BRAF: variants seen among roughly 807,000 people sequenced by gnomAD.
The protein encoded by BRAF is B-Raf proto-oncogene, serine/threonine kinase.
In BRAF, 16 loss-of-function variants were observed where a neutral mutation model predicts 104.6. The observed-to-expected ratio is 0.15, with a 90% CI of 0.10 to 0.23. The LOEUF is 0.23. BRAF is among the 10% of genes least tolerant of loss of function. BRAF has a pLI of 1.00. For synonymous variants in BRAF, 310 were observed against 341.6 expected (o/e 0.91, Z 1.02); for missense variants, 541 against 937.3 (o/e 0.58, Z 5.52).
intron 1 of BRAF, among the ~76,000 whole-genome samples, chr7:140,904,088 C>G (rs1816004945): frequency 6.6e-6 from 1 of 152,232 alleles, no homozygotes; most frequent in Admixed American, 6.5e-5. Flanking sequence ...ACTGGCAGAT[C>G]TGAGAGGACT....
chr7:140,776,774 A>G lies in BRAF; in HGVS notation c.1814+138T>C, dbSNP rs71645985. On this transcript the variant is annotated intron_variant, in intron 14 of 19. Transcript: ENST00000644969. ...TTTATTTTTTAGTATCATATTATTTACCAGCCATTAGTTAGCATCCTTATG... is the reference window on the plus strand; with the variant it reads ...TTTATTTTTTAGTATCATATTATTTGCCAGCCATTAGTTAGCATCCTTATG... 24 of 798,352 alleles carry G rather than the reference A, an allele frequency of 3.0e-5. No homozygotes were observed. The African/African-American group carries it at 4.1e-4, about 14-fold the overall frequency. 49.5% of individuals were successfully genotyped at this position (798,352 alleles called of 1,614,324 possible).
rs541999154 is a variant in BRAF, at chr7:140,762,989, A to T, written c.1815-8756T>A. On this transcript the variant is annotated intron_variant, in intron 14 of 19. Coordinates refer to ENST00000644969, the MANE Select transcript of BRAF (RefSeq NM_001374258.1). ...TTTCTTAGTACAGAACAAAATGAAA[A>T]GTCTCCCATGTCTACCTCTTTCTAC... is the stretch of plus-strand genomic sequence containing the variant. 7.9e-5 allele frequency among the ~76,000 whole-genome samples: 12 copies of T among 152,348 alleles called. No homozygotes were observed. The East Asian group carries it at 1.9e-3, about 24-fold the overall frequency.
chr7:140,923,190 G>A (rs1035112684), intron 1 of BRAF, among the ~76,000 whole-genome samples: 4 of 142,082 alleles, frequency 2.8e-5, no homozygotes, highest in Admixed American at 2.0e-4. Context: ...CAAAGATGAT[G>A]ATGCAAAAAA....
At chr7:140,795,449 C>A (rs575752406) in intron 7 of BRAF, among the ~76,000 whole-genome samples, 42 of 152,258 alleles carry the variant, frequency 2.8e-4, no homozygotes, top group African/African-American at 8.4e-4. Context: ...TATCATTCCA[C>A]CCTATTTTAT....
At chr7:140,881,723 T>A (rs1586525546) in intron 1 of BRAF, among the ~76,000 whole-genome samples, 1 of 152,178 alleles carries the variant, frequency 6.6e-6, no homozygotes, top group Non-Finnish European at 1.5e-5. Flanking sequence ...TGACTCTTGG[T>A]TTCACTTGAA....
Position 140,801,297 on chromosome 7 carries a change from T to TA in BRAF, c.860+114dup. The TA allele has an allele frequency of 2.4e-6, 3 of 1,225,914 alleles. No individual in the cohort carries two copies. The East Asian group carries it at 7.6e-5, about 31-fold the overall frequency. 75.9% of individuals were successfully genotyped at this position (1,225,914 alleles called of 1,614,324 possible). The stretch of plus-strand genomic sequence containing the variant: ...CTAACTACACTTAAAAAAAATTCTC[T>TA]ATAACAATCGTATGGAAGAAAAACC... On this transcript the variant is annotated intron_variant, in intron 6 of 19. Coordinates refer to ENST00000644969, the MANE Select transcript of BRAF (RefSeq NM_001374258.1).
intron 14 of BRAF, among the ~76,000 whole-genome samples, chr7:140,773,842 TTTCC>T (rs1800073380): frequency 6.6e-6 from 1 of 152,224 alleles, no homozygotes; most frequent in Admixed American, 6.5e-5. Context: ...TATGATCACT[TTTCC>T]ACCTGCTCTC....
At position 140,725,260 on chromosome 7, in the gene BRAF, G is replaced by A. The variant is rs1795536779; in HGVS notation, c.*1234C>T. The A allele has an allele frequency of 9.6e-7, 1 of 1,044,482 alleles. No homozygotes were observed. Among genetic ancestry groups the A allele is most frequent in the East Asian group, 5.7e-5 (1 of 17,664 alleles). The allele number at this position is 1,044,482 out of a possible 1,614,324, so 64.7% of individuals were successfully genotyped here. A position where few individuals can be genotyped will look rare whatever the true frequency, so the allele number is the denominator to read the frequency against. On this transcript the variant is annotated 3_prime_UTR_variant, in exon 20 of 20. Coordinates refer to ENST00000644969, the MANE Select transcript of BRAF (RefSeq NM_001374258.1). Reference sequence around the variant, plus strand: ...AAACAATGAGATTATTAGCAAAGATGTTAGTGTGGATCCAGCAAGTACCAT... The same window carrying A: ...AAACAATGAGATTATTAGCAAAGATATTAGTGTGGATCCAGCAAGTACCAT...
At chr7:140,892,535 T>C (rs962746192) in intron 1 of BRAF, among the ~76,000 whole-genome samples, 7 of 152,206 alleles carry the variant, frequency 4.6e-5, no homozygotes, top group Admixed American at 2.6e-4. Context: ...TTTCCCAAAA[T>C]TGTAAACTAT....
intron 1 of BRAF, among the ~76,000 whole-genome samples, chr7:140,897,493 C>CTTTTTT (rs1177553423): frequency 2.0e-3 from 207 of 105,558 alleles, no homozygotes; most frequent in African/African-American, 3.2e-3. Context: ...TTTCTTTTTT[C>CTTTTTT]TTTTTTTTTT....
chr7:140,788,202 C>T (rs1801595393), intron 8 of BRAF, among the ~76,000 whole-genome samples: 1 of 151,978 alleles, frequency 6.6e-6, no homozygotes, highest in Non-Finnish European at 1.5e-5. Flanking sequence ...TATACTGGTG[C>T]ACATTAAGAG....
At chr7:140,770,323 G>A (rs1799716015) in intron 14 of BRAF, among the ~76,000 whole-genome samples, 1 of 151,926 alleles carries the variant, frequency 6.6e-6, no homozygotes, top group African/African-American at 2.4e-5. Context: ...AGTAAAAGAG[G>A]CATGCTCATC....
intron 13 of BRAF, 100 bp downstream of exon 12, chr7:140,777,891 T>C: frequency 8.6e-7 from 1 of 1,160,166 alleles, no homozygotes; most frequent in South Asian, 1.3e-5. Context: ...ATTTATTCAT[T>C]TTGAGTAAAT....
chr7:140,891,874 G>T (rs1814261745), intron 1 of BRAF, among the ~76,000 whole-genome samples: 1 of 152,174 alleles, frequency 6.6e-6, no homozygotes, highest in South Asian at 2.1e-4. Context: ...GTATTAAACA[G>T]CATTTCCCTA....
At chr7:140,818,533 G>T (rs1193014907) in intron 3 of BRAF, among the ~76,000 whole-genome samples, 1 of 151,916 alleles carries the variant, frequency 6.6e-6, no homozygotes, top group South Asian at 2.1e-4. Flanking sequence ...GGCTGGTCTC[G>T]AACTCCTGAC....
intron 3 of BRAF, among the ~76,000 whole-genome samples, chr7:140,833,170 C>T (rs1340345648): frequency 6.6e-6 from 1 of 152,120 alleles, no homozygotes; most frequent in Non-Finnish European, 1.5e-5. Context: ...AGGCACGAGC[C>T]ACTGTGCCCG....
chr7:140,721,183 AAC>A lies in BRAF; in HGVS notation c.*5309_*5310del. On this transcript the variant is annotated 3_prime_UTR_variant, in exon 20 of 20. Coordinates refer to ENST00000644969, the MANE Select transcript of BRAF (RefSeq NM_001374258.1). ...TATTCAAAATAGCTAAATAAATGTC[AAC>A]ATTTTAATAAAGCTGATTTAGTAAT... 5 of 1,069,462 alleles carry A rather than the reference AAC, an allele frequency of 4.7e-6. No homozygotes were observed. The highest frequency in any genetic ancestry group is 5.7e-6 in the Non-Finnish European group (5 of 881,652). The allele number at this position is 1,069,462 out of a possible 1,614,324, so 66.2% of individuals were successfully genotyped here.
intron 1 of BRAF, among the ~76,000 whole-genome samples, chr7:140,908,628 T>C (rs1220093279): frequency 6.6e-6 from 1 of 152,178 alleles, no homozygotes; most frequent in Non-Finnish European, 1.5e-5. Context: ...GAAAGGTTTA[T>C]TTTTCTTAAT....
chr7:140,908,989 CTTT>C (rs1224922004), intron 1 of BRAF, among the ~76,000 whole-genome samples: 10 of 120,184 alleles, frequency 8.3e-5, no homozygotes, highest in African/African-American at 2.3e-4. Context: ...TCTACGTTTT[CTTT>C]TTTTTTTTTT....
Sources: allele counts gnomAD v4.1 joint callset (sites outside exome capture counted in the v4.1 genomes callset), GRCh38; gene constraint gnomAD v4.1.1; transcripts MANE v1.5; gene names NCBI Gene and HGNC (gene_info 2026-07-23, HGNC 2026-07-21).